The following ITSN1 variants were observed in gnomAD, a reference collection of about 807,000 sequenced individuals.
ITSN1 encodes intersectin-1.
ITSN1 carries 58 observed loss-of-function variants against 239.8 expected under a neutral mutation model. The ratio of observed to expected loss-of-function variants is 0.24; its 90% CI spans 0.20 to 0.30. The LOEUF is 0.30. Ranked by LOEUF, ITSN1 falls within the 10% of genes least tolerant of loss-of-function variation. ITSN1 has a pLI of 1.00. For missense variants in ITSN1, 1,558 were observed against 2,103.3 expected (o/e 0.74, Z 5.07); for synonymous variants, 780 against 770.8 (o/e 1.01, Z -0.20).
intron 5 of ITSN1, among the ~76,000 whole-genome samples, chr21:33,748,195 A>C (rs904405144): frequency 3.9e-5 from 6 of 152,204 alleles, no homozygotes; most frequent in Non-Finnish European, 8.8e-5. Context: ...GGATGCATAC[A>C]GTGGCTCAGC....
At chr21:33,659,248 A>G (rs2146238339) in intron 1 of ITSN1, among the ~76,000 whole-genome samples, 1 of 152,246 alleles carries the variant, frequency 6.6e-6, no homozygotes, top group Middle Eastern at 3.4e-3. Context: ...AGAGGAGGAG[A>G]GGGCATGGAA....
intron 22 of ITSN1, chr21:33,817,542 A>G (rs764218512): frequency 1.1e-4 from 144 of 1,304,192 alleles, no homozygotes; most frequent in Non-Finnish European, 1.4e-4. Flanking sequence ...CAGGTGGTAC[A>G]CTTGGTTGTT....
Position 33,765,894 on chromosome 21 carries a change from C to G in ITSN1, c.808C>G (p.Gln270Glu). The G allele has an allele frequency of 6.2e-7, 1 of 1,614,112 alleles. No homozygotes were observed. The highest frequency in any genetic ancestry group is 8.5e-7 in the Non-Finnish European group (1 of 1,179,984). Residue 270 changes from glutamine (Q) to glutamate (E), a missense_variant, in exon 10 of 40, where the codon CAA (glutamine) becomes GAA (glutamate). Physicochemically the swap from Gln to Glu is conservative, Grantham distance 29. Transcript: ENST00000381318. ...GAATAGGAATCTTTCTGACATTGAT[C>G]AAGATGGAAAACTTACAGCAGAGGA... ...ASIWNLSDID[Q>E]DGKLTAEEFI...
intron 4 of ITSN1, among the ~76,000 whole-genome samples, chr21:33,725,643 T>G (rs1168293524): frequency 6.6e-6 from 1 of 152,104 alleles, no homozygotes; most frequent in Non-Finnish European, 1.5e-5. Context: ...TTTACCTGAG[T>G]GGCCCAAAGT....
At position 33,831,335 on chromosome 21, in the gene ITSN1, G is replaced by T. The variant is rs192848207; in HGVS notation, c.3351+1590G>T. Among the ~76,000 whole-genome samples the T allele has an allele frequency of 2.6e-5, 4 of 152,348 alleles. No homozygotes were observed. In the East Asian group the frequency reaches 7.7e-4, roughly 29 times the overall value. ...GTGGGCCTCTGCGTAACACAGGGGGGCCTCAGTAAGGCTTGAACGGATATA... is the reference window on the plus strand; with the variant it reads ...GTGGGCCTCTGCGTAACACAGGGGGTCCTCAGTAAGGCTTGAACGGATATA... On this transcript the variant is annotated intron_variant, in intron 27 of 39. Transcript: ENST00000381318.
intron 27 of ITSN1, among the ~76,000 whole-genome samples, chr21:33,833,661 A>G (rs1238009530): frequency 6.6e-6 from 1 of 152,172 alleles, no homozygotes; most frequent in Non-Finnish European, 1.5e-5. Flanking sequence ...AGGTCAAGAG[A>G]TCGAGACCAT....
At chr21:33,791,144 T>C (rs1243615161) in intron 16 of ITSN1, among the ~76,000 whole-genome samples, 1 of 152,228 alleles carries the variant, frequency 6.6e-6, no homozygotes, top group East Asian at 1.9e-4. Flanking sequence ...GTTCTGCTTA[T>C]GTTGATTCAT....
intron 1 of ITSN1, among the ~76,000 whole-genome samples, chr21:33,712,077 C>G (rs2092433838): frequency 6.6e-6 from 1 of 152,080 alleles, no homozygotes; most frequent in Non-Finnish European, 1.5e-5. Flanking sequence ...TCTTTCCATG[C>G]ATTTGTGTTT....
At chr21:33,838,516 G>T in intron 29 of ITSN1, 1 of 955,626 alleles carries the variant, frequency 1.0e-6, no homozygotes, top group African/African-American at 1.8e-5. Context: ...ATGTCTCTGT[G>T]TTCTTGATGT....
chr21:33,824,291 A>C (rs1200763178), intron 25 of ITSN1, among the ~76,000 whole-genome samples: 1 of 152,218 alleles, frequency 6.6e-6, no homozygotes, highest in Non-Finnish European at 1.5e-5. Context: ...AAGATAGTGC[A>C]AGTTGAATGG....
rs374565222 is a variant in ITSN1, at chr21:33,716,239, C to T, written c.-32-2558C>T. 3.3e-5 allele frequency among the ~76,000 whole-genome samples: 5 copies of T among 152,134 alleles called. No homozygotes were observed. The East Asian group carries it at 9.6e-4, about 29-fold the overall frequency. On this transcript the variant is annotated intron_variant, in intron 1 of 39. Transcript: ENST00000381318. ...AAGTCCATATCCAGATCTCTTAGAC[C>T]TTCCTCTCCTACACTCCAGCAGATG...
intron 19 of ITSN1, 42 bp downstream of exon 19, chr21:33,799,971 T>G (rs1279133082): frequency 1.3e-6 from 2 of 1,595,014 alleles, no homozygotes; most frequent in Non-Finnish European, 1.7e-6. Context: ...TGTTGAAGAT[T>G]AGCCTCTGTC....
intron 24 of ITSN1, among the ~76,000 whole-genome samples, chr21:33,819,593 C>T (rs962672532): frequency 1.3e-5 from 2 of 152,214 alleles, no homozygotes; most frequent in African/African-American, 2.4e-5. Context: ...CACTAAGAAT[C>T]GAGTTTTCCG....
chr21:33,660,959 A>G (rs1368383779), intron 1 of ITSN1, among the ~76,000 whole-genome samples: 1 of 152,214 alleles, frequency 6.6e-6, no homozygotes, highest in Non-Finnish European at 1.5e-5. Context: ...GACACATTTC[A>G]TTAAACAATA....
intron 29 of ITSN1, among the ~76,000 whole-genome samples, chr21:33,854,734 G>T (rs1451855867): frequency 6.6e-6 from 1 of 152,184 alleles, no homozygotes; most frequent in Non-Finnish European, 1.5e-5. Context: ...AGAACAGTTG[G>T]GCCAAACCCG....
chr21:33,690,283 G>T (rs2091448568), intron 1 of ITSN1, among the ~76,000 whole-genome samples: 2 of 149,272 alleles, frequency 1.3e-5, no homozygotes, highest in South Asian at 4.3e-4. Flanking sequence ...GTCTCAAAAA[G>T]AATTAAAAAT....
chr21:33,830,321 G>A (rs752894263), intron 27 of ITSN1, among the ~76,000 whole-genome samples: 48 of 152,274 alleles, frequency 3.2e-4, no homozygotes, highest in Non-Finnish European at 5.4e-4. Context: ...AGAATCATTG[G>A]TGGATGCCCA....
intron 4 of ITSN1, among the ~76,000 whole-genome samples, chr21:33,734,215 G>A (rs2066357288): frequency 6.6e-6 from 1 of 152,110 alleles, no homozygotes; most frequent in Non-Finnish European, 1.5e-5. Context: ...GCACAGTTTT[G>A]ATGATATAAT....
chr21:33,730,414 T>C (rs985925977), intron 4 of ITSN1, among the ~76,000 whole-genome samples: 9 of 142,668 alleles, frequency 6.3e-5, no homozygotes, highest in African/African-American at 2.4e-4. Context: ...TTTTTTTTTT[T>C]TTCTGGAGAC....
Sources: allele counts gnomAD v4.1 joint callset (sites outside exome capture counted in the v4.1 genomes callset), GRCh38; gene constraint gnomAD v4.1.1; transcripts MANE v1.5; gene names NCBI Gene and HGNC (gene_info 2026-07-23, HGNC 2026-07-21).